VTA1: variants seen among roughly 807,000 people sequenced by gnomAD.
VTA1 encodes vacuolar protein sorting-associated protein VTA1 homolog.
A neutral mutation model predicts 36.9 loss-of-function variants in VTA1; 24 were observed. The observed-to-expected ratio is 0.65, with a 90% confidence interval of 0.47 to 0.91. The LOEUF is 0.91. VTA1 is among the 40% of genes least tolerant of loss of function. VTA1 has a pLI of 0.00. For missense variants in VTA1, 393 were observed against 377.2 expected, an observed-to-expected ratio of 1.04 and a Z score of -0.35; for synonymous variants, 142 against 130.2, an observed-to-expected ratio of 1.09 and a Z score of -0.62.
intron 4 of VTA1, among the ~76,000 whole-genome samples, chr6:142,179,251 C>T (rs1205307598): frequency 2.6e-5 from 4 of 151,828 alleles, no homozygotes; most frequent in South Asian, 2.1e-4. Flanking sequence ...AAAAACCAAG[C>T]GCTTTCATAC....
At chr6:142,201,805 C>T (rs1435240789) in intron 6 of VTA1, among the ~76,000 whole-genome samples, 1 of 151,984 alleles carries the variant, frequency 6.6e-6, no homozygotes, top group South Asian at 2.1e-4. Context: ...TTCACTCATT[C>T]TTTCCTTATA....
chr6:142,188,209 C>T (rs1298119170), intron 4 of VTA1, among the ~76,000 whole-genome samples: 3 of 142,474 alleles, frequency 2.1e-5, no homozygotes, highest in Non-Finnish European at 4.6e-5. Context: ...GTGCCTAGCC[C>T]TCTATTTCTT....
At chr6:142,211,017 C>T (rs1367305838) in intron 7 of VTA1, among the ~76,000 whole-genome samples, 1 of 152,102 alleles carries the variant, frequency 6.6e-6, no homozygotes, top group African/African-American at 2.4e-5. Context: ...TTATTTGCAG[C>T]AACATGGATA....
chr6:142,181,048 C>T (rs757707497), intron 4 of VTA1, among the ~76,000 whole-genome samples: 1 of 126,298 alleles, frequency 7.9e-6, no homozygotes, highest in Non-Finnish European at 1.6e-5. Context: ...AAGGGGACAC[C>T]GTGTCTTCAA....
intron 4 of VTA1, among the ~76,000 whole-genome samples, chr6:142,179,809 A>G (rs975408263): frequency 8.5e-5 from 13 of 152,138 alleles, no homozygotes; most frequent in Admixed American, 2.0e-4. Flanking sequence ...TATTTTATTG[A>G]TAGGTTTGGT....
chr6:142,205,109 T>C (rs1775764954), intron 7 of VTA1, among the ~76,000 whole-genome samples: 1 of 152,176 alleles, frequency 6.6e-6, no homozygotes, highest in Admixed American at 6.5e-5. Flanking sequence ...TCTCCCTGTA[T>C]GAGTGGGAAC....
At chr6:142,155,218 C>G (rs1259236336) in intron 1 of VTA1, among the ~76,000 whole-genome samples, 3 of 152,072 alleles carry the variant, frequency 2.0e-5, no homozygotes, top group Non-Finnish European at 2.9e-5. Flanking sequence ...GCGTTCAGAT[C>G]CTTGCTGACA....
intron 7 of VTA1, among the ~76,000 whole-genome samples, chr6:142,214,607 A>ATTATATGTCATTATATGTC (rs1247595267): frequency 6.6e-6 from 1 of 152,230 alleles, no homozygotes; most frequent in African/African-American, 2.4e-5. Flanking sequence ...TCACACTGTA[A>ATTATATGTCATTATATGTC]CAATAGATAT....
At chr6:142,210,371 A>T (rs1479015207) in intron 7 of VTA1, among the ~76,000 whole-genome samples, 1 of 152,190 alleles carries the variant, frequency 6.6e-6, no homozygotes, top group East Asian at 1.9e-4. Flanking sequence ...CTATGCAAAG[A>T]TTTTTTTGTG....
chr6:142,187,844 T>C (rs1037250673), intron 4 of VTA1, among the ~76,000 whole-genome samples: 1 of 152,056 alleles, frequency 6.6e-6, no homozygotes, highest in Non-Finnish European at 1.5e-5. Flanking sequence ...CAACTAAGTA[T>C]CTGGACCACC....
In VTA1 at chr6:142,168,552, T is replaced by C. The variant is rs1032078714; in HGVS notation, c.208-998T>C. Among the ~76,000 whole-genome samples the C allele has an allele frequency of 2.6e-5, 4 of 151,846 alleles. No homozygotes were observed. The South Asian group carries it at 8.3e-4, about 31-fold the overall frequency. ...TCTGAGTAAAAATTAGGAACTTTTT[T>C]TAAATGCTTTAAATTATTGTGTCTA... is the stretch of plus-strand genomic sequence containing the variant. On this transcript the variant is annotated intron_variant, in intron 2 of 7. Transcript: ENST00000367630.
chr6:142,189,906 G>A (rs546242394), intron 5 of VTA1, among the ~76,000 whole-genome samples: 2 of 152,182 alleles, frequency 1.3e-5, no homozygotes, highest in Non-Finnish European at 2.9e-5. Context: ...ACAGGCGCCT[G>A]CCACCACGCC....
At chr6:142,180,243 C>T (rs975122150) in intron 4 of VTA1, among the ~76,000 whole-genome samples, 4 of 152,062 alleles carry the variant, frequency 2.6e-5, no homozygotes, top group Non-Finnish European at 5.9e-5. Flanking sequence ...AAGGCCAGAC[C>T]TTCTTGTGAC....
chr6:142,152,044 TAAGAAA>T (rs921643558), intron 1 of VTA1, among the ~76,000 whole-genome samples: 1 of 150,912 alleles, frequency 6.6e-6, no homozygotes, highest in Non-Finnish European at 1.5e-5. Flanking sequence ...AAAAAAATAA[TAAGAAA>T]AAGAAGAAGA....
chr6:142,175,451 A>G (rs1722000717), intron 4 of VTA1, among the ~76,000 whole-genome samples: 1 of 151,824 alleles, frequency 6.6e-6, no homozygotes. Context: ...TTCAGGTCTC[A>G]CCTATATTAT....
chr6:142,178,431 A>T (rs1280539438), intron 4 of VTA1, among the ~76,000 whole-genome samples: 1 of 152,180 alleles, frequency 6.6e-6, no homozygotes, highest in African/African-American at 2.4e-5. Context: ...GCAGGTCTGC[A>T]CTAAAGATCC....
chr6:142,166,969 T>G (rs1292614416), intron 2 of VTA1, among the ~76,000 whole-genome samples: 1 of 152,112 alleles, frequency 6.6e-6, no homozygotes, highest in Non-Finnish European at 1.5e-5. Context: ...ACGTGGATGA[T>G]TAATTTGGGA....
intron 4 of VTA1, among the ~76,000 whole-genome samples, chr6:142,181,455 T>TTATA (rs10545343): frequency 0.024 from 3,390 of 143,542 alleles, 87 homozygotes; most frequent in African/African-American, 0.065. Flanking sequence ...TTTTTATATT[T>TTATA]TATATATATA....
chr6:142,192,008 T>G (rs1324205807), intron 5 of VTA1, among the ~76,000 whole-genome samples: 1 of 152,076 alleles, frequency 6.6e-6, no homozygotes, highest in African/African-American at 2.4e-5. Context: ...GATATTGTAC[T>G]TAGTTAACTT....
Sources: allele counts gnomAD v4.1 joint callset (sites outside exome capture counted in the v4.1 genomes callset), GRCh38; gene constraint gnomAD v4.1.1; transcripts MANE v1.5; gene names NCBI Gene and HGNC (gene_info 2026-07-23, HGNC 2026-07-21).